The following CHLSN variants were observed in gnomAD, a reference collection of about 807,000 sequenced individuals.
CHLSN encodes the protein cholesin.
chr7:1,002,836 T>C, the CHLSN span, among the ~76,000 whole-genome samples: 2 of 54,172 alleles, frequency 3.7e-5, no homozygotes, highest in East Asian at 1.5e-3. Flanking sequence ...GTGAGTGGAG[T>C]CCTGCGGGTG....
At chr7:1,057,419 T>G in the CHLSN span, 4 of 630,912 alleles carry the variant, frequency 6.3e-6, no homozygotes, top group African/African-American at 1.8e-5. Flanking sequence ...AAGGCACCCC[T>G]GTACCTGCAG....
At chr7:1,053,882 G>A in the CHLSN span, among the ~76,000 whole-genome samples, 2 of 152,340 alleles carry the variant, frequency 1.3e-5, no homozygotes, top group South Asian at 4.1e-4. Flanking sequence ...TTCTCTGGGA[G>A]CCATGGCTAA....
chr7:1,061,125 C>G, the CHLSN span, among the ~76,000 whole-genome samples: 1 of 152,194 alleles, frequency 6.6e-6, no homozygotes, highest in Non-Finnish European at 1.5e-5. Context: ...TCCAACTATC[C>G]TCCCCAAAGG....
the CHLSN span, among the ~76,000 whole-genome samples, chr7:1,123,422 G>C: frequency 6.6e-6 from 1 of 152,148 alleles, no homozygotes; most frequent in African/African-American, 2.4e-5. The surrounding 1 kb of genome is among the most constrained non-coding windows in gnomAD (Gnocchi z 4.4). Flanking sequence ...GGGGACACAG[G>C]CTTCTCCATC....
At chr7:984,571 G>A in the CHLSN span, 1 of 1,561,186 alleles carries the variant, frequency 6.4e-7, no homozygotes, top group South Asian at 1.2e-5. Context: ...CCAGCGAGGT[G>A]GAGGTCGGTG....
At chr7:1,100,307 G>C in the CHLSN span, among the ~76,000 whole-genome samples, 3 of 152,236 alleles carry the variant, frequency 2.0e-5, no homozygotes, top group African/African-American at 7.2e-5. Context: ...GACAGAGGCT[G>C]GGTGCCGTGT....
At chr7:1,058,470 C>A in the CHLSN span, 4 of 780,290 alleles carry the variant, frequency 5.1e-6, no homozygotes, top group East Asian at 9.7e-5. Flanking sequence ...CTGCGGGGAC[C>A]GGCACTGCTC....
At chr7:1,041,902 C>T in the CHLSN span, among the ~76,000 whole-genome samples, 2 of 152,126 alleles carry the variant, frequency 1.3e-5, no homozygotes, top group Non-Finnish European at 2.9e-5. Context: ...TGCAGCTGAC[C>T]TTCCGGACCG....
At chr7:1,135,988 CATAT>C in the CHLSN span, among the ~76,000 whole-genome samples, 14 of 84,954 alleles carry the variant, frequency 1.6e-4, no homozygotes, top group African/African-American at 8.1e-4. Flanking sequence ...AATATATAAG[CATAT>C]ATAAATATAT....
At chr7:1,132,820 C>T in the CHLSN span, among the ~76,000 whole-genome samples, 1 of 151,258 alleles carries the variant, frequency 6.6e-6, no homozygotes, top group Non-Finnish European at 1.5e-5. Context: ...CAACAGGAGA[C>T]AAATAACCCG....
the CHLSN span, among the ~76,000 whole-genome samples, chr7:981,198 A>G: frequency 6.6e-6 from 1 of 151,354 alleles, no homozygotes; most frequent in Non-Finnish European, 1.5e-5. Flanking sequence ...CGGGAGGCTG[A>G]GGCAGGAGGA....
the CHLSN span, among the ~76,000 whole-genome samples, chr7:999,296 G>C: frequency 6.6e-6 from 1 of 152,236 alleles, no homozygotes; most frequent in Non-Finnish European, 1.5e-5. Flanking sequence ...CATGGAACAG[G>C]CTTGGCCCGC....
chr7:986,104 C>T, the CHLSN span, among the ~76,000 whole-genome samples: 2 of 152,188 alleles, frequency 1.3e-5, no homozygotes, highest in Non-Finnish European at 2.9e-5. Flanking sequence ...CCTGCTGGTG[C>T]CAGCTCCTTA....
chr7:1,029,478 G>A, the CHLSN span, among the ~76,000 whole-genome samples: 1 of 152,186 alleles, frequency 6.6e-6, no homozygotes, highest in African/African-American at 2.4e-5. Context: ...TGGCATAGGA[G>A]GCTGGAACTC....
the CHLSN span, chr7:997,928 G>T: frequency 5.8e-6 from 5 of 859,828 alleles, no homozygotes; most frequent in Non-Finnish European, 9.1e-6. Flanking sequence ...ACTGCGGCCC[G>T]AGGGTGTGGG....
chr7:1,062,797 T>A, the CHLSN span, among the ~76,000 whole-genome samples: 1 of 152,172 alleles, frequency 6.6e-6, no homozygotes, highest in Non-Finnish European at 1.5e-5. Context: ...CGGTCCGCAC[T>A]CCGTCAGGTT....
At chr7:1,018,778 CA>C in the CHLSN span, among the ~76,000 whole-genome samples, 962 of 147,500 alleles carry the variant, frequency 6.5e-3, 13 homozygotes, top group African/African-American at 0.021. Context: ...GTGAGACCCT[CA>C]AAAAAAAAAA....
At chr7:986,753 G>T in the CHLSN span, 7 of 1,605,018 alleles carry the variant, frequency 4.4e-6, no homozygotes, top group South Asian at 3.3e-5. Flanking sequence ...GTGCCCGGGG[G>T]ACCCCGTGTG....
At chr7:1,136,369 A>AATATATAAAC in the CHLSN span, among the ~76,000 whole-genome samples, 30,091 of 97,032 alleles carry the variant, frequency 0.31, 6,098 homozygotes, top group African/African-American at 0.44. Context: ...CATATATATA[A>AATATATAAAC]ATATATATAA....
Sources: allele counts gnomAD v4.1 joint callset (sites outside exome capture counted in the v4.1 genomes callset), GRCh38; gene constraint gnomAD v4.1.1; non-coding constraint Gnocchi (gnomAD v3.1); transcripts MANE v1.5; gene names NCBI Gene and HGNC (gene_info 2026-07-23, HGNC 2026-07-21).